GPATCH1: variants seen among roughly 807,000 people sequenced by gnomAD.
GPATCH1 encodes the protein G patch domain-containing protein 1.
In GPATCH1, 73 loss-of-function variants were observed where a neutral mutation model predicts 114.9. The ratio of observed to expected loss-of-function variants is 0.64; its 90% CI spans 0.53 to 0.77. The LOEUF (loss-of-function observed/expected upper bound fraction) is 0.77. Among genes scored for constraint, GPATCH1 ranks in the 30% least tolerant of loss-of-function variants. The pLI is 0.00. For missense variants in GPATCH1, 1,058 were observed against 1,144.3 expected (o/e 0.92, Z 1.09); for synonymous variants, 391 against 428.4 (o/e 0.91, Z 1.08).
intron 1 of GPATCH1, among the ~76,000 whole-genome samples, chr19:33,082,585 T>G (rs1972490220): frequency 6.6e-6 from 1 of 152,176 alleles, no homozygotes; most frequent in Admixed American, 6.5e-5. Flanking sequence ...GGTTCACACC[T>G]GTAATCCCAG....
chr19:33,126,333 T>C (rs1032962324), intron 18 of GPATCH1, among the ~76,000 whole-genome samples: 1 of 152,192 alleles, frequency 6.6e-6, no homozygotes, highest in Non-Finnish European at 1.5e-5. Context: ...AGTGTTACGA[T>C]AGGTCCTGTC....
rs185820894 is a variant in GPATCH1, at chr19:33,096,090, A to G, written c.613-117A>G. On this transcript the variant is annotated intron_variant, in intron 6 of 19. Transcript: ENST00000170564. Reference sequence around the variant, plus strand: ...GATTTAGTCATTTATAACAGCACCAATGAAAGTTTGCTAATTGTTCTGTGT... The same window carrying G: ...GATTTAGTCATTTATAACAGCACCAGTGAAAGTTTGCTAATTGTTCTGTGT... 5.0e-4 allele frequency: 531 copies of G among 1,070,968 alleles called. 3 individuals are homozygous for G. In the African/African-American group the frequency reaches 6.7e-3, roughly 13 times the overall value. The allele number at this position is 1,070,968 out of a possible 1,614,324, so 66.3% of individuals were successfully genotyped here.
intron 1 of GPATCH1, among the ~76,000 whole-genome samples, chr19:33,081,777 G>C (rs557642489): frequency 1.3e-5 from 2 of 152,218 alleles, no homozygotes; most frequent in South Asian, 4.1e-4. Flanking sequence ...GGGCTGACAG[G>C]GGCTGGATCT....
chr19:33,112,619 T>TTTTGTACTGA lies in GPATCH1; in HGVS notation c.1892+7_1892+8insTTGTACTGAT. The TTTTGTACTGA allele has an allele frequency of 6.2e-7, 1 of 1,611,652 alleles. No individual in the cohort carries two copies. The highest frequency in any genetic ancestry group is 8.5e-7 in the Non-Finnish European group (1 of 1,177,876). ...GTCCCTGACCCTTATCCAGAGTAAGTTGGATAAACCTTTACATCAGTACAA... is the reference window on the plus strand; with the variant it reads ...GTCCCTGACCCTTATCCAGAGTAAGTTTTGTACTGATGGATAAACCTTTACATCAGTACAA... On this transcript the variant is annotated splice_region_variant and intron_variant, in intron 13 of 19. Coordinates refer to ENST00000170564, the MANE Select transcript of GPATCH1 (RefSeq NM_018025.3).
At chr19:33,127,683 ACACT>A (rs1243278856) in intron 19 of GPATCH1, among the ~76,000 whole-genome samples, 2 of 152,048 alleles carry the variant, frequency 1.3e-5, no homozygotes, top group African/African-American at 4.8e-5. Flanking sequence ...ACACACATAC[ACACT>A]CACGTACATG....
chr19:33,104,726 C>T (rs1972764462), intron 9 of GPATCH1, among the ~76,000 whole-genome samples: 1 of 151,974 alleles, frequency 6.6e-6, no homozygotes, highest in South Asian at 2.1e-4. Context: ...AGAGAGGGGC[C>T]GGGAGAGAGG....
intron 17 of GPATCH1, among the ~76,000 whole-genome samples, chr19:33,120,833 C>G (rs1354373139): frequency 6.6e-6 from 1 of 151,212 alleles, no homozygotes; most frequent in Non-Finnish European, 1.5e-5. Context: ...ACTAAAAATA[C>G]AAAAAAATTA....
chr19:33,119,664 C>T lies in GPATCH1; in HGVS notation c.2521+547C>T, dbSNP rs188015810. Among the ~76,000 whole-genome samples, 610 of 149,338 alleles carry T rather than the reference C, an allele frequency of 4.1e-3. 2 individuals are homozygous for T. Among genetic ancestry groups the T allele is most frequent in the Non-Finnish European group, 5.9e-3 (402 of 67,628 alleles). On this transcript the variant is annotated intron_variant, in intron 17 of 19. Coordinates refer to ENST00000170564, the MANE Select transcript of GPATCH1 (RefSeq NM_018025.3). ...AGTGAGCCGATATTGCACCATTGCA[C>T]TCCAGCCCAGGTGACTGAGTGAGAC...
intron 18 of GPATCH1, among the ~76,000 whole-genome samples, chr19:33,126,239 C>T (rs528543768): frequency 1.6e-4 from 24 of 152,316 alleles, no homozygotes; most frequent in African/African-American, 5.5e-4. Context: ...TCCCAGGGGT[C>T]TGACAAAATA....
chr19:33,093,286 G>T, intron 3 of GPATCH1, 73 bp from the exon 4 acceptor site: 3 of 971,998 alleles, frequency 3.1e-6, no homozygotes, highest in Non-Finnish European at 3.0e-6. Context: ...TTTTTTAACA[G>T]AAATAAAACT....
intron 19 of GPATCH1, among the ~76,000 whole-genome samples, chr19:33,127,991 C>T (rs548170977): frequency 8.5e-5 from 13 of 152,286 alleles, no homozygotes; most frequent in South Asian, 6.2e-4. Flanking sequence ...GCCAGGATTA[C>T]AGGTGTGAAC....
chr19:33,096,138 A>G (rs201260210), intron 6 of GPATCH1, 69 bp from the exon 7 acceptor site: 5 of 1,504,386 alleles, frequency 3.3e-6, no homozygotes, highest in East Asian at 2.3e-5. Flanking sequence ...TGCGTTTTCA[A>G]TTAGTATTTT....
intron 18 of GPATCH1, among the ~76,000 whole-genome samples, chr19:33,125,962 C>T (rs1486521743): frequency 1.3e-5 from 2 of 152,172 alleles, no homozygotes; most frequent in Non-Finnish European, 2.9e-5. Context: ...GGTTTCAGCA[C>T]AGGCTTTTAA....
At chr19:33,088,658 C>CT (rs10658695) in intron 2 of GPATCH1, among the ~76,000 whole-genome samples, 19,270 of 96,104 alleles carry the variant, frequency 0.2, 2,403 homozygotes, top group South Asian at 0.29. Flanking sequence ...GCCACCTTTG[C>CT]TTTTTTTTTT....
Position 33,126,273 on chromosome 19 carries a change from G to A in GPATCH1, c.2620-315G>A, listed in dbSNP as rs75129239. On this transcript the variant is annotated intron_variant, in intron 18 of 19. Coordinates refer to ENST00000170564, the MANE Select transcript of GPATCH1 (RefSeq NM_018025.3). ...TAAACAAGTCAGGTTCACCGGAGGTGGCACAGGTCACCATGCATAAGATGT... is the reference window on the plus strand; with the variant it reads ...TAAACAAGTCAGGTTCACCGGAGGTAGCACAGGTCACCATGCATAAGATGT... 5.4e-3 allele frequency among the ~76,000 whole-genome samples: 824 copies of A among 152,336 alleles called. 8 individuals are homozygous for A. The highest frequency in any genetic ancestry group is 0.019 in the African/African-American group (774 of 41,572).
rs578203583 is a variant in GPATCH1 at position 33,124,793 on chromosome 19, A to T, written c.2522-312A>T. ...TTCTGAGCTTATCTGATGATGTTGG[A>T]TTACAAAAGGCTTTGTGGGCTTTCT... On this transcript the variant is annotated intron_variant, in intron 17 of 19. Transcript: ENST00000170564. Among the ~76,000 whole-genome samples, 3 of 152,322 alleles carry T rather than the reference A, an allele frequency of 2.0e-5. No homozygotes were observed. The South Asian group carries it at 6.2e-4, about 32-fold the overall frequency.
intron 5 of GPATCH1, 36 bp from the exon 6 acceptor site, chr19:33,095,726 C>G: frequency 6.9e-7 from 1 of 1,459,698 alleles, no homozygotes; most frequent in South Asian, 1.1e-5. Flanking sequence ...TATTTGTAGT[C>G]ACTCATGACT....
At chr19:33,089,620 A>ATT (rs538212347) in intron 2 of GPATCH1, among the ~76,000 whole-genome samples, 3,086 of 144,444 alleles carry the variant, frequency 0.021, 136 homozygotes, top group African/African-American at 0.073. Flanking sequence ...ATCTTTTATA[A>ATT]TTTTTTTTTT....
chr19:33,114,535 C>T, intron 15 of GPATCH1, 116 bp downstream of exon 15: 4 of 789,798 alleles, frequency 5.1e-6, no homozygotes, highest in Admixed American at 2.9e-5. Context: ...TGATCCATTT[C>T]CCCTTAAAGG....
Sources: allele counts gnomAD v4.1 joint callset (sites outside exome capture counted in the v4.1 genomes callset), GRCh38; gene constraint gnomAD v4.1.1; transcripts MANE v1.5; gene names NCBI Gene and HGNC (gene_info 2026-07-23, HGNC 2026-07-21).